The following GRIA4 variants were observed in gnomAD, a reference collection of about 807,000 sequenced individuals.
The protein encoded by GRIA4 is glutamate receptor 4.
In GRIA4, 34 loss-of-function variants were observed where a neutral mutation model predicts 104.0. The ratio of observed to expected loss-of-function variants is 0.33; its 90% confidence interval spans 0.25 to 0.44. GRIA4 has a LOEUF of 0.44. Ranked by LOEUF, GRIA4 falls within the 20% of genes least tolerant of loss-of-function variation. The pLI, the probability that GRIA4 is intolerant of heterozygous loss-of-function variation, is 1.00. For missense variants in GRIA4, 750 were observed against 1,096.5 expected (o/e 0.68, Z 4.46); for synonymous variants, 386 against 381.9 (o/e 1.01, Z -0.13).
chr11:105,641,474 A>C (rs1267791003), intron 3 of GRIA4, among the ~76,000 whole-genome samples: 1 of 152,174 alleles, frequency 6.6e-6, no homozygotes, highest in Non-Finnish European at 1.5e-5. Context: ...GTATAAATGG[A>C]AACAGACCTG....
At chr11:105,975,309 A>G (rs1858919411) in intron 16 of GRIA4, among the ~76,000 whole-genome samples, 1 of 152,178 alleles carries the variant, frequency 6.6e-6, no homozygotes. Flanking sequence ...GTCCTATAGG[A>G]AAGATTCAGA....
At chr11:105,966,714 C>T (rs572142551) in intron 14 of GRIA4, among the ~76,000 whole-genome samples, 15 of 151,638 alleles carry the variant, frequency 9.9e-5, no homozygotes, top group African/African-American at 3.4e-4. Context: ...TTTTTTATTT[C>T]TAAGCAATAT....
intron 3 of GRIA4, among the ~76,000 whole-genome samples, chr11:105,634,474 A>AAAGAAAGAAAGAAAG (rs1951137150): frequency 2.0e-5 from 1 of 50,592 alleles, no homozygotes; most frequent in Admixed American, 1.7e-4. Context: ...AAAGGGAAAG[A>AAAGAAAGAAAGAAAG]AAGAAAGAAA....
chr11:105,805,635 G>A (rs2135852398), intron 4 of GRIA4, among the ~76,000 whole-genome samples: 1 of 151,960 alleles, frequency 6.6e-6, no homozygotes, highest in Middle Eastern at 3.4e-3. Flanking sequence ...ATTCAAGAAT[G>A]CAAAAAGGTT....
At chr11:105,819,823 AC>A (rs1309356781) in intron 4 of GRIA4, among the ~76,000 whole-genome samples, 1 of 152,102 alleles carries the variant, frequency 6.6e-6, no homozygotes, top group African/African-American at 2.4e-5. Context: ...CACCCTCATT[AC>A]CTCAGAACAT....
At chr11:105,855,550 A>G (rs1275299725) in intron 4 of GRIA4, among the ~76,000 whole-genome samples, 2 of 152,144 alleles carry the variant, frequency 1.3e-5, no homozygotes, top group East Asian at 3.8e-4. Context: ...AATAATAGCT[A>G]TATAGTAATT....
At chr11:105,645,560 TA>T (rs1197044033) in intron 3 of GRIA4, among the ~76,000 whole-genome samples, 1 of 152,170 alleles carries the variant, frequency 6.6e-6, no homozygotes, top group African/African-American at 2.4e-5. Flanking sequence ...TTGCCCAGAT[TA>T]AGAAGTGAAG....
At chr11:105,710,968 A>AT (rs1005666390) in intron 3 of GRIA4, among the ~76,000 whole-genome samples, 3 of 151,758 alleles carry the variant, frequency 2.0e-5, no homozygotes, top group East Asian at 3.9e-4. Flanking sequence ...TCTCAGAATT[A>AT]TTTTTTTTCT....
At chr11:105,930,597 T>G (rs1438377387) in intron 13 of GRIA4, among the ~76,000 whole-genome samples, 1 of 152,134 alleles carries the variant, frequency 6.6e-6, no homozygotes, top group African/African-American at 2.4e-5. Context: ...TTTATTCTTT[T>G]TAAAAAGATT....
intron 3 of GRIA4, among the ~76,000 whole-genome samples, chr11:105,692,527 C>G (rs1210489074): frequency 1.3e-5 from 2 of 152,200 alleles, no homozygotes; most frequent in Non-Finnish European, 2.9e-5. Context: ...AAAAATCCAT[C>G]TTAAGATGTT....
At chr11:105,794,467 A>ATGTGTG (rs1169501029) in intron 4 of GRIA4, among the ~76,000 whole-genome samples, 3 of 38,812 alleles carry the variant, frequency 7.7e-5, no homozygotes, top group African/African-American at 4.3e-4. Flanking sequence ...GTGTGTGTAT[A>ATGTGTG]TGTATGTATA....
intron 3 of GRIA4, among the ~76,000 whole-genome samples, chr11:105,641,526 C>T (rs1280501507): frequency 1.3e-5 from 2 of 152,110 alleles, no homozygotes; most frequent in Non-Finnish European, 2.9e-5. Flanking sequence ...ATTTTTTAGT[C>T]TACAAAGAAT....
At chr11:105,923,827 G>T (rs1249268966) in intron 11 of GRIA4, among the ~76,000 whole-genome samples, 1 of 152,120 alleles carries the variant, frequency 6.6e-6, no homozygotes. Context: ...TGTGTGTGCT[G>T]AATTGGAAAA....
chr11:105,944,584 G>GA (rs200557167), intron 14 of GRIA4, among the ~76,000 whole-genome samples: 8 of 27,872 alleles, frequency 2.9e-4, no homozygotes, highest in East Asian at 1.1e-3. Flanking sequence ...TACATAAATG[G>GA]AAAAAAAAAA....
At chr11:105,726,841 T>C (rs937077251) in intron 3 of GRIA4, among the ~76,000 whole-genome samples, 5 of 151,650 alleles carry the variant, frequency 3.3e-5, no homozygotes, top group East Asian at 2.0e-4. Flanking sequence ...AGTATCAACA[T>C]TAAAAAAAAG....
intron 3 of GRIA4, among the ~76,000 whole-genome samples, chr11:105,701,981 C>A (rs1953512254): frequency 6.6e-6 from 1 of 152,134 alleles, no homozygotes; most frequent in South Asian, 2.1e-4. Context: ...ATCTCCCAGA[C>A]TGGAGTGCAG....
At chr11:105,926,974 A>G in intron 13 of GRIA4, 35 bp downstream of exon 13, 1 of 1,441,986 alleles carries the variant, frequency 6.9e-7, no homozygotes, top group Non-Finnish European at 9.7e-7. Context: ...TGAAATGTTT[A>G]TCATTTTGAA....
intron 6 of GRIA4, among the ~76,000 whole-genome samples, chr11:105,888,328 G>A (rs1275728641): frequency 1.8e-5 from 2 of 110,686 alleles, no homozygotes; most frequent in African/African-American, 7.0e-5. Flanking sequence ...CTGTCGCCCA[G>A]GCTGGAGTGC....
chr11:105,943,062 T>C (rs972452728), intron 14 of GRIA4, among the ~76,000 whole-genome samples: 4 of 152,114 alleles, frequency 2.6e-5, no homozygotes, highest in South Asian at 2.1e-4. Flanking sequence ...AAAATTCTCA[T>C]ACCTCTTTGA....
Sources: allele counts gnomAD v4.1 joint callset (sites outside exome capture counted in the v4.1 genomes callset), GRCh38; gene constraint gnomAD v4.1.1; transcripts MANE v1.5; gene names NCBI Gene and HGNC (gene_info 2026-07-23, HGNC 2026-07-21).